ZNF385D: variants seen among roughly 807,000 people sequenced by gnomAD.
The protein encoded by ZNF385D is zinc finger protein 385D, also known as zinc finger protein 659.
A neutral mutation model predicts 35.8 loss-of-function variants in ZNF385D; 15 were observed. The ratio of observed to expected loss-of-function variants is 0.42; its 90% CI spans 0.28 to 0.64. The LOEUF (loss-of-function observed/expected upper bound fraction) is 0.64, where lower values mean the gene tolerates loss of function less well. Among genes scored for constraint, ZNF385D ranks in the 30% least tolerant of loss-of-function variants. The pLI is 0.23. For synonymous variants in ZNF385D, 212 were observed against 186.8 expected, an observed-to-expected ratio of 1.13 and a Z score of -1.10; for missense variants, 474 against 494.6, an observed-to-expected ratio of 0.96 and a Z score of 0.39.
At chr3:21,656,864 A>T (rs1214781288) in intron 2 of ZNF385D, among the ~76,000 whole-genome samples, 1 of 151,906 alleles carries the variant, frequency 6.6e-6, no homozygotes, top group Non-Finnish European at 1.5e-5. Context: ...CTAAGTGTGG[A>T]GTAGAGGTCT....
chr3:21,891,373 G>A (rs577424044), intron 3 of ZNF385D, among the ~76,000 whole-genome samples: 15 of 152,202 alleles, frequency 9.9e-5, no homozygotes, highest in African/African-American at 3.6e-4. Flanking sequence ...CAGCTTTCAA[G>A]TAATGCGTGA....
At chr3:22,031,362 G>A (rs1697991495) in intron 3 of ZNF385D, among the ~76,000 whole-genome samples, 1 of 152,076 alleles carries the variant, frequency 6.6e-6, no homozygotes, top group African/African-American at 2.4e-5. Context: ...GGACATCCAG[G>A]TATTTGTCTA....
chr3:21,959,042 T>C (rs1385437272), intron 3 of ZNF385D: 1 of 152,168 alleles, frequency 6.6e-6, no homozygotes, highest in Non-Finnish European at 1.5e-5. Flanking sequence ...GTATTTGTTG[T>C]TTCTATTTCA....
intron 2 of ZNF385D, among the ~76,000 whole-genome samples, chr3:22,371,925 T>TA (rs1490459386): frequency 6.6e-6 from 1 of 151,954 alleles, no homozygotes; most frequent in Non-Finnish European, 1.5e-5. Flanking sequence ...GTATTTGTTT[T>TA]AAAAAGAAGA....
chr3:22,357,211 G>T lies in ZNF385D; in HGVS notation c.106+15239C>A, dbSNP rs541531502. On this transcript the variant is annotated intron_variant, in intron 2 of 5. Transcript: ENST00000494108. ...CCAAGTTTCCAAGTGAACTTGAATT[G>T]TTTTTAAGTTTCAGGAAGTGTTTAA... Among the ~76,000 whole-genome samples, 82 of 151,976 alleles carry T rather than the reference G, an allele frequency of 5.4e-4. 1 individual carries two copies. The highest frequency in any genetic ancestry group is 1.9e-3 in the African/African-American group (79 of 41,520).
intron 3 of ZNF385D, among the ~76,000 whole-genome samples, chr3:22,002,824 A>G (rs1341317047): frequency 1.3e-5 from 2 of 152,248 alleles, no homozygotes; most frequent in African/African-American, 2.4e-5. Context: ...CATTAACAAA[A>G]TGAAGAACAA....
chr3:22,111,812 T>A (rs761329196), intron 3 of ZNF385D, among the ~76,000 whole-genome samples: 1 of 152,142 alleles, frequency 6.6e-6, no homozygotes, highest in African/African-American at 2.4e-5. Context: ...CAGTGAAACA[T>A]AGAGCTAACT....
At chr3:22,048,122 A>T (rs1261589189) in intron 3 of ZNF385D, among the ~76,000 whole-genome samples, 2 of 152,074 alleles carry the variant, frequency 1.3e-5, no homozygotes, top group African/African-American at 2.4e-5. Flanking sequence ...AGTTCCATAT[A>T]TATTTTTTGG....
chr3:22,037,827 T>C (rs1458326582), intron 3 of ZNF385D, among the ~76,000 whole-genome samples: 1 of 152,006 alleles, frequency 6.6e-6, no homozygotes, highest in Non-Finnish European at 1.5e-5. Context: ...TCTTCTAGGG[T>C]TTTTATGGTT....
At chr3:21,760,441 G>A (rs1039276570) in intron 3 of ZNF385D, among the ~76,000 whole-genome samples, 2 of 152,124 alleles carry the variant, frequency 1.3e-5, no homozygotes, top group African/African-American at 4.8e-5. Context: ...TCTTCAAAAG[G>A]TAAACAAAGA....
At chr3:21,674,224 C>A (rs2125292839) in intron 1 of ZNF385D, among the ~76,000 whole-genome samples, 1 of 152,062 alleles carries the variant, frequency 6.6e-6, no homozygotes, top group South Asian at 2.1e-4. Context: ...TTTTTGGTGA[C>A]CTTTACGAGC....
At chr3:21,876,477 T>G (rs1204580003) in intron 3 of ZNF385D, among the ~76,000 whole-genome samples, 1 of 151,594 alleles carries the variant, frequency 6.6e-6, no homozygotes, top group Non-Finnish European at 1.5e-5. Context: ...ATAATATATA[T>G]ATTCTTTTGA....
chr3:21,988,237 G>C lies in ZNF385D; in HGVS notation c.325+180580C>G, dbSNP rs1028861275. Among the ~76,000 whole-genome samples, 5 of 125,768 alleles carry C rather than the reference G, an allele frequency of 4.0e-5. 1 individual carries two copies. The highest frequency in any genetic ancestry group is 5.8e-5 in the African/African-American group (2 of 34,636). 82.5% of individuals were successfully genotyped at this position (125,768 alleles called of 152,430 possible). A position where few individuals can be genotyped will look rare whatever the true frequency, so the allele number is the denominator to read the frequency against. On this transcript the variant is annotated intron_variant, in intron 3 of 5. Transcript: ENST00000494108. The stretch of plus-strand genomic sequence containing the variant: ...GGAACTGCGTTCCTTTGGAGGAGGA[G>C]AGGCGCTCTGCGTTTTAGAGTTTCC...
intron 2 of ZNF385D, among the ~76,000 whole-genome samples, chr3:21,574,060 CAAAAA>C: frequency 7.7e-6 from 1 of 129,034 alleles, no homozygotes; most frequent in Non-Finnish European, 1.6e-5. Flanking sequence ...AACTCCGTCT[CAAAAA>C]AAAAAAAAAA....
chr3:21,797,790 G>T (rs2072218896), intron 3 of ZNF385D, among the ~76,000 whole-genome samples: 1 of 152,082 alleles, frequency 6.6e-6, no homozygotes, highest in Admixed American at 6.6e-5. Flanking sequence ...ATGACAAAAT[G>T]GAAAAGGAAA....
chr3:21,824,050 A>T (rs1313078304), intron 3 of ZNF385D, among the ~76,000 whole-genome samples: 5 of 152,238 alleles, frequency 3.3e-5, no homozygotes, highest in Admixed American at 3.3e-4. Context: ...TTAATATAAA[A>T]GTAAATTCTA....
intron 4 of ZNF385D, among the ~76,000 whole-genome samples, chr3:21,476,641 G>A (rs553480917): frequency 8.6e-4 from 131 of 151,914 alleles, no homozygotes; most frequent in African/African-American, 3.1e-3. Context: ...TTTGTTGTGA[G>A]GTAAGAGTGG....
intron 3 of ZNF385D, among the ~76,000 whole-genome samples, chr3:22,082,943 G>T (rs1480479654): frequency 6.6e-6 from 1 of 152,130 alleles, no homozygotes. Flanking sequence ...CAGGGTCTGG[G>T]GTGGACCTCC....
At chr3:22,330,348 CTTTT>C (rs1182299885) in intron 2 of ZNF385D, among the ~76,000 whole-genome samples, 5 of 151,936 alleles carry the variant, frequency 3.3e-5, no homozygotes, top group African/African-American at 1.2e-4. Flanking sequence ...TGAGGTTTGT[CTTTT>C]TTGTTTTTAT....
Sources: gnomAD v4.1 joint callset for allele counts (sites outside exome capture counted in the v4.1 genomes callset) on GRCh38, gnomAD v4.1.1 for gene constraint, MANE v1.5 for transcripts, NCBI Gene and HGNC (gene_info 2026-07-23, HGNC 2026-07-21) for gene names.